The following TEX11 variants were observed in gnomAD, a reference collection of about 807,000 sequenced individuals.
TEX11 encodes testis expressed 11.
Under a neutral mutation model 84.4 loss-of-function variants are expected in TEX11, and 7 were observed. The ratio of observed to expected loss-of-function variants is 0.08; its 90% CI spans 0.05 to 0.16. The LOEUF is 0.16. TEX11 is among the 10% of genes least tolerant of loss of function. The probability of loss-of-function intolerance (pLI) is 1.00; values close to 1 mark genes in which losing one functional copy is unlikely to be tolerated. For missense variants in TEX11, 551 were observed against 660.5 expected (o/e 0.83, Z 1.82); for synonymous variants, 264 against 222.8 (o/e 1.18, Z -1.64).
intron 9 of TEX11, among the ~76,000 whole-genome samples, chrX:70,746,545 G>A (rs1013818866): frequency 8.9e-6 from 1 of 111,973 alleles, no homozygotes; most frequent in Non-Finnish European, 1.9e-5. Context: ...AGCATGCCAT[G>A]AGCCCAGCTC....
At chrX:70,747,548 T>G (rs1404898195) in intron 9 of TEX11, among the ~76,000 whole-genome samples, 1 of 111,895 alleles carries the variant, frequency 8.9e-6, no homozygotes, top group African/African-American at 3.2e-5. Flanking sequence ...AATTAAAAAG[T>G]GTGACCTACA....
At chrX:70,712,918 G>T in intron 13 of TEX11, among the ~76,000 whole-genome samples, 1 of 111,473 alleles carries the variant, frequency 9.0e-6, no homozygotes, top group Non-Finnish European at 1.9e-5. Flanking sequence ...TATGATATAG[G>T]CTGTGGGTTT....
chrX:70,773,515 C>T (rs1408442929), intron 9 of TEX11, among the ~76,000 whole-genome samples: 1 of 111,414 alleles, frequency 9.0e-6, no homozygotes, highest in East Asian at 2.8e-4. Flanking sequence ...ACCACTGTCC[C>T]ACAAAAAATG....
At chrX:70,524,598 G>A (rs1044132601), downstream of TEX11, among the ~76,000 whole-genome samples, 1 of 112,414 alleles carries the variant, frequency 8.9e-6, no homozygotes, top group Admixed American at 9.4e-5. Context: ...ATGGAGTTTC[G>A]CTCGTTGCCC....
intron 9 of TEX11, among the ~76,000 whole-genome samples, chrX:70,784,447 C>G (rs752955644): frequency 8.8e-4 from 98 of 111,718 alleles, no homozygotes; most frequent in African/African-American, 3.0e-3. Context: ...TCTCACCACT[C>G]CTATTCAACA....
chrX:70,608,409 T>A (rs1439815968), intron 22 of TEX11, among the ~76,000 whole-genome samples: 1 of 112,346 alleles, frequency 8.9e-6, no homozygotes, highest in East Asian at 2.8e-4. Context: ...CATATTGTTG[T>A]ATATAGTTCA....
chrX:70,644,302 G>T (rs1418086579), intron 17 of TEX11, among the ~76,000 whole-genome samples: 1 of 107,085 alleles, frequency 9.3e-6, no homozygotes, highest in East Asian at 3.0e-4. Context: ...GGAGAAATAG[G>T]AATGCTTTTA....
chrX:70,569,510 C>T (rs966725510), intron 25 of TEX11, among the ~76,000 whole-genome samples: 13 of 111,632 alleles, frequency 1.2e-4, no homozygotes, highest in Non-Finnish European at 1.9e-4. Context: ...AGTTTTTCTG[C>T]TCTGTTTTTT....
At chrX:70,550,820 A>T (rs1435946849) in intron 28 of TEX11, among the ~76,000 whole-genome samples, 1 of 111,661 alleles carries the variant, frequency 9.0e-6, no homozygotes, top group African/African-American at 3.3e-5. Flanking sequence ...AATTAGTACA[A>T]CCACTATGGA....
chrX:70,798,099 A>G (rs1276892425), intron 9 of TEX11, among the ~76,000 whole-genome samples: 1 of 107,746 alleles, frequency 9.3e-6, no homozygotes, highest in African/African-American at 3.4e-5. Context: ...CTTATATTAG[A>G]AAACCTTAAA....
intron 9 of TEX11, among the ~76,000 whole-genome samples, chrX:70,775,414 CA>C (rs2147780580): frequency 9.0e-6 from 1 of 110,707 alleles, no homozygotes. Context: ...TTGAATAGGA[CA>C]AAAATATTTG....
chrX:70,541,920 G>T (rs2088050686), intron 28 of TEX11, among the ~76,000 whole-genome samples: 1 of 112,058 alleles, frequency 8.9e-6, no homozygotes, highest in African/African-American at 3.2e-5. Context: ...TACATAGGTT[G>T]ATAGGTTTGT....
At chrX:70,824,349 T>A (rs1013326153) in intron 8 of TEX11, among the ~76,000 whole-genome samples, 1 of 112,160 alleles carries the variant, frequency 8.9e-6, no homozygotes, top group Non-Finnish European at 1.9e-5. Context: ...TCAGAGAAAG[T>A]GCAAATATTC....
At chrX:70,543,054 T>C (rs1318614847) in intron 28 of TEX11, among the ~76,000 whole-genome samples, 3 of 109,765 alleles carry the variant, frequency 2.7e-5, no homozygotes, top group Non-Finnish European at 3.8e-5. Flanking sequence ...TGGTGGCGGG[T>C]GCCTGTAGTC....
intron 2 of TEX11, 89 bp downstream of exon 2, chrX:70,907,664 T>C (rs760970984): frequency 2.7e-6 from 2 of 728,924 alleles, no homozygotes; most frequent in East Asian, 3.3e-5. Flanking sequence ...AGTGCTGAGA[T>C]TACAGGCGTG....
chrX:70,571,308 T>A (rs2088595106), intron 25 of TEX11, among the ~76,000 whole-genome samples: 1 of 112,181 alleles, frequency 8.9e-6, no homozygotes, highest in African/African-American at 3.2e-5. Context: ...CATGAGCCAC[T>A]GTGCCCAGCC....
At chrX:70,808,496 C>A (rs1157998787) in intron 8 of TEX11, among the ~76,000 whole-genome samples, 1 of 107,836 alleles carries the variant, frequency 9.3e-6, no homozygotes, top group Non-Finnish European at 1.9e-5. Flanking sequence ...GAGAGAGATT[C>A]CATCTCAAAA....
intron 28 of TEX11, among the ~76,000 whole-genome samples, chrX:70,544,298 G>A (rs1261969466): frequency 8.9e-6 from 1 of 111,872 alleles, no homozygotes; most frequent in Non-Finnish European, 1.9e-5. Context: ...CAGATTACTT[G>A]AGCAAATTAC....
chrX:70,666,030 G>C (rs750106025), intron 16 of TEX11, among the ~76,000 whole-genome samples: 8 of 111,812 alleles, frequency 7.2e-5, no homozygotes, highest in South Asian at 7.5e-4. Context: ...TTAATGTAAT[G>C]AGCATCTACT....
Sources: allele counts gnomAD v4.1 joint callset (sites outside exome capture counted in the v4.1 genomes callset), GRCh38; gene constraint gnomAD v4.1.1; transcripts MANE v1.5; gene names NCBI Gene and HGNC (gene_info 2026-07-23, HGNC 2026-07-21).